ACTR1B: variants seen among roughly 807,000 people sequenced by gnomAD.
The protein encoded by ACTR1B is actin related protein 1B.
In ACTR1B, 34 loss-of-function variants were observed where a neutral mutation model predicts 49.4. The ratio of observed to expected loss-of-function variants is 0.69; its 90% CI spans 0.52 to 0.92. The LOEUF (loss-of-function observed/expected upper bound fraction) is 0.92, where lower values mean the gene tolerates loss of function less well. Ranked by LOEUF, ACTR1B falls within the 40% of genes least tolerant of loss-of-function variation. The probability of loss-of-function intolerance (pLI) is 0.00; values close to 1 mark genes in which losing one functional copy is unlikely to be tolerated. For synonymous variants in ACTR1B, 207 were observed against 207.8 expected (o/e 1.00, Z 0.03); for missense variants, 471 against 522.4 (o/e 0.90, Z 0.96).
rs772885396 is a variant in ACTR1B at position 97,657,529 on chromosome 2, T to G, written c.926-20A>C. On this transcript the variant is annotated intron_variant, in intron 8 of 10. Transcript: ENST00000289228. ...CGAAGCCTGTGAACACAAAGCTGGC[T>G]GAGCCTGGGGTCTGCACCCGGCCTC... 1 of 1,614,136 alleles carries G rather than the reference T, an allele frequency of 6.2e-7. No homozygotes were observed. The highest frequency in any genetic ancestry group is 2.2e-5 in the East Asian group (1 of 44,884).
rs1674968315 is a variant in ACTR1B, at chr2:97,659,999, T to C, written c.190-522A>G. 1 of 188,406 alleles carries C rather than the reference T, an allele frequency of 5.3e-6. No individual in the cohort carries two copies. Among genetic ancestry groups the C allele is most frequent in the Non-Finnish European group, 1.1e-5 (1 of 89,644 alleles). The allele number at this position is 188,406 out of a possible 1,614,324, so 11.7% of individuals were successfully genotyped here. A position where few individuals can be genotyped will look rare whatever the true frequency, so the allele number is the denominator to read the frequency against. On this transcript the variant is annotated intron_variant, in intron 3 of 10. Coordinates refer to ENST00000289228, the MANE Select transcript of ACTR1B (RefSeq NM_005735.4). This position sits in a 1 kb window ranked among gnomAD's most constrained non-coding sequence, Gnocchi z 4.0. ...ATGCCCCTTCTCACCTAGCACCACT[T>C]AGCTCCTCTCACCACCTCGGCTCCT... is the stretch of plus-strand genomic sequence containing the variant.
intron 1 of ACTR1B, among the ~76,000 whole-genome samples, chr2:97,662,806 T>G (rs1348750690): frequency 6.6e-6 from 1 of 152,192 alleles, no homozygotes; most frequent in Non-Finnish European, 1.5e-5. Context: ...TACGAGTTAT[T>G]TGCACGTCAA....
chr2:97,662,030 G>A (rs1165304239), intron 1 of ACTR1B, 84 bp from the exon 2 acceptor site: 77 of 1,403,070 alleles, frequency 5.5e-5, no homozygotes, highest in Non-Finnish European at 7.3e-5. Flanking sequence ...TGGCTGCCCC[G>A]TCAAGGCAGG....
In ACTR1B at chr2:97,659,511, C is replaced by T; in HGVS notation, c.190-34G>A. 1.2e-6 allele frequency: 2 copies of T among 1,609,928 alleles called. No homozygotes were observed. The highest frequency in any genetic ancestry group is 8.5e-7 in the Non-Finnish European group (1 of 1,179,470). ...GTGGGAAGGGAGGTGTGGCACCCGG[C>T]CCTTGCTCAGCGGCTGCTTTCCGCC... On this transcript the variant is annotated intron_variant, in intron 3 of 10. Transcript: ENST00000289228. The surrounding 1 kb of genome is among the most constrained non-coding windows in gnomAD (Gnocchi z 4.0).
At chr2:97,663,031 G>A (rs1475534344) in intron 1 of ACTR1B, among the ~76,000 whole-genome samples, 1 of 152,144 alleles carries the variant, frequency 6.6e-6, no homozygotes, top group Non-Finnish European at 1.5e-5. Flanking sequence ...AAACTCCAAG[G>A]CCCGCACACC....
At chr2:97,657,010 C>T in intron 10 of ACTR1B, 50 bp from the exon 11 acceptor site, 1 of 1,574,022 alleles carries the variant, frequency 6.4e-7, no homozygotes, top group Non-Finnish European at 8.7e-7. Flanking sequence ...GGGAGCCAAC[C>T]ACCTTCCTGG....
chr2:97,662,289 TAG>T (rs977188776), intron 1 of ACTR1B, among the ~76,000 whole-genome samples: 1 of 151,876 alleles, frequency 6.6e-6, no homozygotes, highest in African/African-American at 2.4e-5. Context: ...GTCAATAATA[TAG>T]AGATAGAGAA....
chr2:97,657,873 G>A, intron 8 of ACTR1B, 70 bp downstream of exon 8: 1 of 1,550,952 alleles, frequency 6.4e-7, no homozygotes. Context: ...CTCTGGGTAG[G>A]GGTATACTCT....
rs546130794 is a variant in ACTR1B at position 97,658,604 on chromosome 2, T to C, written c.480A>G (p.Ser160=). The stretch of plus-strand genomic sequence containing the variant: ...GCACAGCATGAGTGACCCCGTCCCC[T>C]GAGTCTAGAACCACTCCTGTCGTGC... The part of the protein sequence containing the change: ...TGRTTGVVLD[S]GDGVTHAVPI... Residue 160 remains serine, a synonymous_variant, in exon 6 of 11, where the codon TCA becomes TCG. Transcript: ENST00000289228. The surrounding 1 kb of genome is among the most constrained non-coding windows in gnomAD (Gnocchi z 5.9). 5.0e-6 allele frequency: 8 copies of C among 1,613,646 alleles called. No individual in the cohort carries two copies. The East Asian group carries it at 1.1e-4, about 22-fold the overall frequency.
Position 97,660,606 on chromosome 2 carries a change from G to T in ACTR1B, c.154C>A (p.Leu52Met). The change falls in exon 3 of 11, where the codon CTG becomes ATG. Residue 52 changes from leucine to methionine, a missense_variant. Leu to Met is a conservative substitution (Grantham distance 15, BLOSUM62 2). Coordinates refer to ENST00000289228, the MANE Select transcript of ACTR1B (RefSeq NM_005735.4). Reference protein sequence around the residue: ...PKHMRVMAGALEGDLFIGPKA... With the variant: ...PKHMRVMAGAMEGDLFIGPKA... Reference sequence around the variant, plus strand: ...GGTCCGATGAAGAGGTCCCCCTCCAGGGCTCCAGCCATCACCCGCATGTGC... The same window carrying T: ...GGTCCGATGAAGAGGTCCCCCTCCATGGCTCCAGCCATCACCCGCATGTGC... 1.9e-6 allele frequency: 3 copies of T among 1,614,068 alleles called. No homozygotes were observed. The highest frequency in any genetic ancestry group is 2.5e-6 in the Non-Finnish European group (3 of 1,180,010).
rs201782728 is a variant in ACTR1B, at chr2:97,660,545, G to A, written c.189+26C>T. ...CCTGCAACTGAGGACCCCACCCCCA[G>A]GGAAAGGCAGGCTCCTCGGTGTTAC... is the stretch of plus-strand genomic sequence containing the variant. On this transcript the variant is annotated intron_variant, in intron 3 of 10. Coordinates refer to ENST00000289228, the MANE Select transcript of ACTR1B (RefSeq NM_005735.4). 1.1e-3 allele frequency: 1,728 copies of A among 1,610,146 alleles called. 3 individuals are homozygous for A. Among genetic ancestry groups the A allele is most frequent in the Non-Finnish European group, 1.4e-3 (1,610 of 1,176,608 alleles).
chr2:97,658,266 C>G lies in ACTR1B; in HGVS notation c.708G>C (p.Thr236=). The change falls in exon 7 of 11, where the codon ACG becomes ACC. Residue 236 remains threonine, a synonymous_variant. Transcript: ENST00000289228. The surrounding 1 kb of genome is among the most constrained non-coding windows in gnomAD (Gnocchi z 5.9). ...INPQKDEALE[T]EKVQYTLPDG... is the part of the protein sequence containing the mutation. The stretch of plus-strand genomic sequence containing the variant: ...CTGGCAACGTGTACTGCACCTTCTC[C>G]GTCTCCAGAGCCTCATCCTTCTGTG... 6.2e-7 allele frequency: 1 copy of G among 1,614,202 alleles called. No individual in the cohort carries two copies. Among genetic ancestry groups the G allele is most frequent in the Non-Finnish European group, 8.5e-7 (1 of 1,180,038 alleles).
chr2:97,657,295 G>T, intron 9 of ACTR1B, 103 bp from the exon 10 acceptor site: 3 of 1,532,408 alleles, frequency 2.0e-6, no homozygotes, highest in Non-Finnish European at 1.8e-6. Context: ...GACAGCAAAG[G>T]CATAAGCTGG....
In ACTR1B at chr2:97,656,554, A is replaced by C. The variant is rs540729415; in HGVS notation, c.*304T>G. 1.7e-4 allele frequency: 54 copies of C among 324,840 alleles called. No homozygotes were observed. The South Asian group carries it at 2.0e-3, about 12-fold the overall frequency. 20.1% of individuals were successfully genotyped at this position (324,840 alleles called of 1,614,324 possible). ...CCTGGAGCTCAGGGAGGCAGCCCTG[A>C]GAGTCGGAGCAGGGAACCACAGGCC... On this transcript the variant is annotated 3_prime_UTR_variant, in exon 11 of 11. Coordinates refer to ENST00000289228, the MANE Select transcript of ACTR1B (RefSeq NM_005735.4).
At chr2:97,660,959 C>T (rs149669662) in intron 2 of ACTR1B, among the ~76,000 whole-genome samples, 1 of 152,334 alleles carries the variant, frequency 6.6e-6, no homozygotes, top group Non-Finnish European at 1.5e-5. Flanking sequence ...ACTCAGCCCA[C>T]GCTCCTGACT....
rs1449448801 is a variant in ACTR1B at position 97,664,033 on chromosome 2, G to C, written c.-143C>G. On this transcript the variant is annotated 5_prime_UTR_variant, in exon 1 of 11. Coordinates refer to ENST00000289228, the MANE Select transcript of ACTR1B (RefSeq NM_005735.4). ...CGAGCCTGCAGCCTACGCGAGCCCCGCGGGGCTTTCTGGAGGGCGGGCCCG... is the reference window on the plus strand; with the variant it reads ...CGAGCCTGCAGCCTACGCGAGCCCCCCGGGGCTTTCTGGAGGGCGGGCCCG... The C allele has an allele frequency of 2.6e-6, 1 of 379,904 alleles. No homozygotes were observed. The highest frequency in any genetic ancestry group is 2.2e-5 in the African/African-American group (1 of 46,046). 23.5% of individuals were successfully genotyped at this position (379,904 alleles called of 1,614,324 possible). A position where few individuals can be genotyped will look rare whatever the true frequency, so the allele number is the denominator to read the frequency against.
Position 97,658,358 on chromosome 2 carries a change from G to A in ACTR1B, c.658-42C>T. 1 of 1,613,826 alleles carries A rather than the reference G, an allele frequency of 6.2e-7. No homozygotes were observed. Among genetic ancestry groups the A allele is most frequent in the Non-Finnish European group, 8.5e-7 (1 of 1,179,774 alleles). On this transcript the variant is annotated intron_variant, in intron 6 of 10. Transcript: ENST00000289228. This position sits in a 1 kb window ranked among gnomAD's most constrained non-coding sequence, Gnocchi z 5.9. ...ACAGCCCTCAGAAGGCTGCACCTGG[G>A]ACACCTGTGCCTTGGTGCCACCCTT...
rs1674964438 is a variant in ACTR1B at position 97,659,844 on chromosome 2, A to G, written c.190-367T>C. On this transcript the variant is annotated intron_variant, in intron 3 of 10. Coordinates refer to ENST00000289228, the MANE Select transcript of ACTR1B (RefSeq NM_005735.4). This position sits in a 1 kb window ranked among gnomAD's most constrained non-coding sequence, Gnocchi z 4.0. ...AGCGCCGGCACCTTGCAGCCGCCCA[A>G]CACGGCCCCTCCTGGGCCACCTGTG... 1 of 320,670 alleles carries G rather than the reference A, an allele frequency of 3.1e-6. No individual in the cohort carries two copies. The allele number at this position is 320,670 out of a possible 1,614,324, so 19.9% of individuals were successfully genotyped here.
At position 97,658,216 on chromosome 2, in the gene ACTR1B, C is replaced by A. The variant is rs1376941964; in HGVS notation, c.750+8G>T. 6.2e-7 allele frequency: 1 copy of A among 1,614,062 alleles called. No individual in the cohort carries two copies. Among genetic ancestry groups the A allele is most frequent in the Admixed American group, 1.7e-5 (1 of 60,028 alleles). On this transcript the variant is annotated splice_region_variant and intron_variant, in intron 7 of 10. Transcript: ENST00000289228. This position sits in a 1 kb window ranked among gnomAD's most constrained non-coding sequence, Gnocchi z 5.9. ...GCTGCCACTCCAGTGCCAGGCCCGG[C>A]CACTTACATCAAGCGTGCTGCCGTC...
Sources: gnomAD v4.1 joint callset for allele counts (sites outside exome capture counted in the v4.1 genomes callset) on GRCh38, gnomAD v4.1.1 for gene constraint, Gnocchi (gnomAD v3.1) non-coding constraint, MANE v1.5 for transcripts, NCBI Gene and HGNC (gene_info 2026-07-23, HGNC 2026-07-21) for gene names.